PUDP: variants seen among roughly 807,000 people sequenced by gnomAD.
PUDP encodes pseudouridine 5'-phosphatase, also known as pseudouridine-5'-phosphatase.
PUDP carries 8 observed loss-of-function variants against 9.4 expected under a neutral mutation model. The ratio of observed to expected loss-of-function variants is 0.85; its 90% CI spans 0.50 to 1.53. The LOEUF (loss-of-function observed/expected upper bound fraction) is 1.53. PUDP is among the 40% of genes most tolerant of loss of function. PUDP has a pLI of 0.00. For synonymous variants in PUDP, 99 were observed against 80.7 expected (o/e 1.23, Z -1.22); for missense variants, 188 against 189.7 (o/e 0.99, Z 0.05).
chrX:7,119,952 G>A (rs1241684165), intron 1 of PUDP, among the ~76,000 whole-genome samples: 2 of 111,888 alleles, frequency 1.8e-5, no homozygotes, highest in Non-Finnish European at 3.8e-5. Context: ...AGGGTCGTAC[G>A]AGAACATATG....
intron 3 of PUDP, among the ~76,000 whole-genome samples, chrX:6,901,675 C>T (rs1364114872): frequency 2.7e-5 from 3 of 112,513 alleles, no homozygotes; most frequent in Non-Finnish European, 5.6e-5. Context: ...TTAAAAGCCA[C>T]TGGGTGCGAT....
chrX:6,869,314 CATG>C (rs1172071389), intron 3 of PUDP, among the ~76,000 whole-genome samples: 1 of 111,938 alleles, frequency 8.9e-6, no homozygotes, highest in Admixed American at 9.6e-5. Context: ...TGTCCTGCTC[CATG>C]ATGTCTACGG....
intron 1 of PUDP, among the ~76,000 whole-genome samples, chrX:7,015,951 G>A (rs1003743515): frequency 1.8e-5 from 2 of 110,449 alleles, no homozygotes; most frequent in Non-Finnish European, 3.8e-5. Flanking sequence ...TAGGTTTTAT[G>A]GCTGGCTTTG....
intron 2 of PUDP, among the ~76,000 whole-genome samples, chrX:7,083,912 A>G (rs1195182901): frequency 9.0e-6 from 1 of 111,445 alleles, no homozygotes; most frequent in Non-Finnish European, 1.9e-5. Context: ...ACAAAAAAAA[A>G]AAGAAGGAAA....
intron 3 of PUDP, among the ~76,000 whole-genome samples, chrX:6,924,091 CGTT>C (rs1244726104): frequency 9.0e-6 from 1 of 111,194 alleles, no homozygotes; most frequent in Non-Finnish European, 1.9e-5. Flanking sequence ...TTCCCAGACA[CGTT>C]GTGCAAAATG....
intron 3 of PUDP, among the ~76,000 whole-genome samples, chrX:6,952,008 C>T (rs1225829365): frequency 9.0e-6 from 1 of 111,346 alleles, no homozygotes; most frequent in Non-Finnish European, 1.9e-5. Flanking sequence ...GTTAATTTCA[C>T]TCTTGATAAC....
At chrX:6,801,155 A>G (rs1925926168) in intron 3 of PUDP, among the ~76,000 whole-genome samples, 1 of 112,267 alleles carries the variant, frequency 8.9e-6, no homozygotes, top group Admixed American at 9.5e-5. Flanking sequence ...AAAAAGAAAA[A>G]GAAAAAGAAA....
intron 3 of PUDP, among the ~76,000 whole-genome samples, chrX:6,876,674 TG>T: frequency 1.8e-5 from 2 of 108,237 alleles, no homozygotes; most frequent in African/African-American, 6.8e-5. Flanking sequence ...TGTGTGTGTT[TG>T]TGTACACACA....
intron 3 of PUDP, among the ~76,000 whole-genome samples, chrX:6,851,408 C>G (rs1485336534): frequency 9.0e-6 from 1 of 110,810 alleles, no homozygotes; most frequent in Admixed American, 9.7e-5. Flanking sequence ...GGCACTTTGT[C>G]ATTGTTAAAA....
chrX:6,993,797 C>A, intron 1 of PUDP, among the ~76,000 whole-genome samples: 1 of 112,074 alleles, frequency 8.9e-6, no homozygotes, highest in South Asian at 3.8e-4. Context: ...AGGAGCAGAG[C>A]ATAACACCAT....
chrX:6,958,727 A>G (rs747197688), intron 3 of PUDP, among the ~76,000 whole-genome samples: 105 of 96,327 alleles, frequency 1.1e-3, no homozygotes, highest in South Asian at 9.7e-3. Context: ...CTTGGGCAAC[A>G]AAAGTGAAAT....
At chrX:6,986,883 T>G (rs1371271508) in intron 1 of PUDP, among the ~76,000 whole-genome samples, 1 of 112,005 alleles carries the variant, frequency 8.9e-6, no homozygotes, top group Non-Finnish European at 1.9e-5. Context: ...TTCTTCTGCA[T>G]CCGAATATCC....
chrX:6,996,433 C>T (rs1225135879), intron 1 of PUDP, among the ~76,000 whole-genome samples: 3 of 110,274 alleles, frequency 2.7e-5, no homozygotes, highest in Non-Finnish European at 5.7e-5. Flanking sequence ...CTTGTCAGGT[C>T]CCCTGTGCAC....
chrX:6,779,823 G>A (rs989874887), intron 3 of PUDP, among the ~76,000 whole-genome samples: 4 of 110,851 alleles, frequency 3.6e-5, no homozygotes, highest in African/African-American at 9.9e-5. Context: ...AGCTTCTTGG[G>A]AGGCTGAGGC....
At chrX:6,746,438 A>G (rs903099313) in intron 3 of PUDP, among the ~76,000 whole-genome samples, 18 of 111,942 alleles carry the variant, frequency 1.6e-4, no homozygotes, top group African/African-American at 5.9e-4. Flanking sequence ...TCTGGGGCAC[A>G]TGTGGAAGTC....
At chrX:6,995,607 C>G (rs1225687373) in intron 1 of PUDP, among the ~76,000 whole-genome samples, 2 of 109,765 alleles carry the variant, frequency 1.8e-5, no homozygotes, top group African/African-American at 6.6e-5. Context: ...GCCTGTAGTT[C>G]CAGCTACCTG....
intron 3 of PUDP, among the ~76,000 whole-genome samples, chrX:6,734,712 T>C (rs1436767055): frequency 8.9e-6 from 1 of 111,754 alleles, no homozygotes; most frequent in Non-Finnish European, 1.9e-5. Context: ...CAGTGAGCCA[T>C]GGTCACACCC....
intron 2 of PUDP, among the ~76,000 whole-genome samples, chrX:7,084,503 C>T (rs1367353106): frequency 9.0e-6 from 1 of 111,385 alleles, no homozygotes. Flanking sequence ...CCTTTGACTC[C>T]ATCCATGGCT....
intron 1 of PUDP, among the ~76,000 whole-genome samples, chrX:7,111,961 A>G (rs528532092): frequency 9.2e-6 from 1 of 109,122 alleles, no homozygotes; most frequent in African/African-American, 3.3e-5. Context: ...AACTTGAGAA[A>G]CTAAAGTGCC....
Sources: allele counts gnomAD v4.1 joint callset (sites outside exome capture counted in the v4.1 genomes callset), GRCh38; gene constraint gnomAD v4.1.1; transcripts MANE v1.5; gene names NCBI Gene and HGNC (gene_info 2026-07-23, HGNC 2026-07-21).